ARHGAP28: variants seen among roughly 807,000 people sequenced by gnomAD.
The protein encoded by ARHGAP28 is rho GTPase-activating protein 28.
A neutral mutation model predicts 90.7 loss-of-function variants in ARHGAP28; 56 were observed. That is an observed-to-expected ratio of 0.62 (90% CI 0.50 to 0.77). The LOEUF (loss-of-function observed/expected upper bound fraction) is 0.77, where lower values mean the gene tolerates loss of function less well. Ranked by LOEUF, ARHGAP28 falls within the 30% of genes least tolerant of loss-of-function variation. The probability of loss-of-function intolerance (pLI) is 0.00; values close to 1 mark genes in which losing one functional copy is unlikely to be tolerated. For synonymous variants in ARHGAP28, 308 were observed against 323.3 expected (o/e 0.95, Z 0.51); for missense variants, 869 against 900.9 (o/e 0.96, Z 0.45).
chr18:6,766,362 T>G (rs2056199951), intron 1 of ARHGAP28, among the ~76,000 whole-genome samples: 1 of 152,208 alleles, frequency 6.6e-6, no homozygotes, highest in Non-Finnish European at 1.5e-5. Flanking sequence ...CTCTTTGTCT[T>G]TAGTCCTAGT....
chr18:6,732,298 A>T (rs191923220), intron 1 of ARHGAP28, among the ~76,000 whole-genome samples: 1 of 151,946 alleles, frequency 6.6e-6, no homozygotes, highest in Non-Finnish European at 1.5e-5. Context: ...TTAACTGCCA[A>T]CCTCAACCTG....
chr18:6,759,411 A>T (rs1409412571), intron 1 of ARHGAP28, among the ~76,000 whole-genome samples: 1 of 152,224 alleles, frequency 6.6e-6, no homozygotes, highest in South Asian at 2.1e-4. Context: ...TTTCTGTAGC[A>T]TGTAAAGTTA....
chr18:6,746,351 A>G (rs2056023351), intron 1 of ARHGAP28, among the ~76,000 whole-genome samples: 2 of 152,166 alleles, frequency 1.3e-5, no homozygotes, highest in South Asian at 4.1e-4. Flanking sequence ...TGGGAACTCT[A>G]CTGTTGTTAT....
intron 1 of ARHGAP28, among the ~76,000 whole-genome samples, chr18:6,746,096 C>A (rs934016611): frequency 1.3e-5 from 2 of 152,174 alleles, no homozygotes; most frequent in Non-Finnish European, 2.9e-5. Context: ...CTGTAGTGAT[C>A]CACGAAGGGA....
At chr18:6,903,994 C>T (rs1178095125) in intron 16 of ARHGAP28, among the ~76,000 whole-genome samples, 3 of 152,042 alleles carry the variant, frequency 2.0e-5, no homozygotes, top group East Asian at 1.9e-4. Context: ...AACCTCTAAA[C>T]ACTTTAAAAC....
At chr18:6,821,667 A>C (rs949340217) in intron 1 of ARHGAP28, among the ~76,000 whole-genome samples, 1 of 151,844 alleles carries the variant, frequency 6.6e-6, no homozygotes, top group Non-Finnish European at 1.5e-5. Context: ...CTTCTTTGCC[A>C]AAAAAAAGCT....
At chr18:6,837,090 G>GA (rs541336679) in intron 2 of ARHGAP28, 107 bp from the exon 3 acceptor site, 49 of 835,692 alleles carry the variant, frequency 5.9e-5, no homozygotes, top group Non-Finnish European at 7.8e-5. Context: ...AATTACTGTA[G>GA]AAAAAAAATA....
chr18:6,909,799 T>C (rs887794132), intron 17 of ARHGAP28, among the ~76,000 whole-genome samples: 2 of 152,096 alleles, frequency 1.3e-5, no homozygotes, highest in Non-Finnish European at 2.9e-5. Context: ...TCTGTGAATA[T>C]CCTCACAGCC....
At chr18:6,763,036 T>C (rs1208947082) in intron 1 of ARHGAP28, among the ~76,000 whole-genome samples, 1 of 152,100 alleles carries the variant, frequency 6.6e-6, no homozygotes, top group African/African-American at 2.4e-5. Flanking sequence ...CACCAGGCCT[T>C]GTATCATCCC....
chr18:6,859,170 A>G (rs2056977857), intron 4 of ARHGAP28, among the ~76,000 whole-genome samples: 1 of 152,350 alleles, frequency 6.6e-6, no homozygotes, highest in Non-Finnish European at 1.5e-5. Flanking sequence ...TGCTAAAAAA[A>G]AATTATGACA....
intron 2 of ARHGAP28, among the ~76,000 whole-genome samples, chr18:6,831,893 T>G (rs1178331773): frequency 6.6e-6 from 1 of 152,104 alleles, no homozygotes; most frequent in Non-Finnish European, 1.5e-5. Flanking sequence ...ACCAGATGTC[T>G]TTCTATTACT....
At chr18:6,757,568 C>G (rs576598217) in intron 1 of ARHGAP28, among the ~76,000 whole-genome samples, 24 of 152,186 alleles carry the variant, frequency 1.6e-4, no homozygotes, top group African/African-American at 5.1e-4. Flanking sequence ...GTAAAAGGAG[C>G]ATTTGAAGTC....
chr18:6,839,947 T>C (rs999457927), intron 3 of ARHGAP28, among the ~76,000 whole-genome samples: 1 of 152,180 alleles, frequency 6.6e-6, no homozygotes, highest in Non-Finnish European at 1.5e-5. Context: ...CAACTCTCCT[T>C]CTTTCCACTT....
chr18:6,738,947 T>C (rs1476661297), intron 1 of ARHGAP28, among the ~76,000 whole-genome samples: 1 of 152,230 alleles, frequency 6.6e-6, no homozygotes, highest in Non-Finnish European at 1.5e-5. Context: ...GGTCCTGCGA[T>C]GTTGATTCTT....
At chr18:6,864,631 TCTAAA>T (rs1165558514) in intron 5 of ARHGAP28, among the ~76,000 whole-genome samples, 1 of 152,160 alleles carries the variant, frequency 6.6e-6, no homozygotes, top group African/African-American at 2.4e-5. Flanking sequence ...TTAATCAGAC[TCTAAA>T]TAGTTGCCCG....
At position 6,764,523 on chromosome 18, in the gene ARHGAP28, T is replaced by C. The variant is rs1353087246; in HGVS notation, c.122+34580T>C. 2.0e-5 allele frequency among the ~76,000 whole-genome samples: 3 copies of C among 152,288 alleles called. No homozygotes were observed. In the South Asian group the frequency reaches 6.2e-4, roughly 32 times the overall value. ...TGGCTCCTCCCTAGAATCAGGGAAG[T>C]CATCAGCCAGAGACTAAGTTGGCCC... On this transcript the variant is annotated intron_variant, in intron 1 of 17. Transcript: ENST00000383472.
chr18:6,816,816 G>A (rs2056594087), intron 1 of ARHGAP28, among the ~76,000 whole-genome samples: 1 of 152,062 alleles, frequency 6.6e-6, no homozygotes, highest in Non-Finnish European at 1.5e-5. Context: ...GGCCAGGTGT[G>A]GTGGCTCACA....
At chr18:6,741,153 A>G (rs980873518) in intron 1 of ARHGAP28, among the ~76,000 whole-genome samples, 1 of 152,204 alleles carries the variant, frequency 6.6e-6, no homozygotes, top group Non-Finnish European at 1.5e-5. Context: ...GTGACTTTTC[A>G]TTAGCATCTT....
chr18:6,792,199 G>A (rs1225423017), intron 1 of ARHGAP28, among the ~76,000 whole-genome samples: 1 of 152,172 alleles, frequency 6.6e-6, no homozygotes, highest in African/African-American at 2.4e-5. Context: ...GAAGACTTTT[G>A]TAACTGATGG....
Sources: gnomAD v4.1 joint callset for allele counts (sites outside exome capture counted in the v4.1 genomes callset) on GRCh38, gnomAD v4.1.1 for gene constraint, MANE v1.5 for transcripts, NCBI Gene and HGNC (gene_info 2026-07-23, HGNC 2026-07-21) for gene names.